MCPH1: variants seen among roughly 807,000 people sequenced by gnomAD.
The protein encoded by MCPH1 is microcephalin 1, also known as microcephalin.
MCPH1 carries 104 observed loss-of-function variants against 84.5 expected under a neutral mutation model. That is an observed-to-expected ratio of 1.23 (90% CI 1.05 to 1.45). The LOEUF is 1.45. Ranked by LOEUF, MCPH1 falls within the 40% of genes most tolerant of loss-of-function variation. The probability of loss-of-function intolerance (pLI) is 0.00; values close to 1 mark genes in which losing one functional copy is unlikely to be tolerated. For missense variants in MCPH1, 1,498 were observed against 1,005.7 expected (o/e 1.49, Z -6.62); for synonymous variants, 514 against 366.8 (o/e 1.40, Z -4.58).
intron 12 of MCPH1, among the ~76,000 whole-genome samples, chr8:6,613,101 G>T (rs1290328162): frequency 2.6e-5 from 4 of 152,220 alleles, no homozygotes; most frequent in African/African-American, 7.2e-5. Context: ...CTCTCCAGCA[G>T]CCTGGGGTTC....
chr8:6,491,517 C>T (rs1286519851), intron 11 of MCPH1, among the ~76,000 whole-genome samples: 5 of 150,742 alleles, frequency 3.3e-5, no homozygotes, highest in Non-Finnish European at 7.4e-5. Flanking sequence ...GGTACATGTG[C>T]ACAACATGCA....
intron 12 of MCPH1, among the ~76,000 whole-genome samples, chr8:6,505,343 TA>T (rs1813259492): frequency 6.6e-5 from 3 of 45,614 alleles, no homozygotes; most frequent in African/African-American, 2.7e-4. Flanking sequence ...AGAAAGAATA[TA>T]TATATTCTTT....
At chr8:6,423,348 G>T (rs550418058) in intron 3 of MCPH1, among the ~76,000 whole-genome samples, 1 of 150,894 alleles carries the variant, frequency 6.6e-6, no homozygotes, top group Admixed American at 6.6e-5. Context: ...TGTATTTTTA[G>T]TAGAGACGGG....
At chr8:6,522,080 G>A (rs1817457142) in intron 12 of MCPH1, among the ~76,000 whole-genome samples, 5 of 152,226 alleles carry the variant, frequency 3.3e-5, no homozygotes, top group Admixed American at 3.3e-4. Context: ...TGCTGGCCGG[G>A]CGCAGTGGCT....
chr8:6,524,943 G>A (rs1818050013), intron 12 of MCPH1, among the ~76,000 whole-genome samples: 1 of 152,336 alleles, frequency 6.6e-6, no homozygotes, highest in East Asian at 1.9e-4. Context: ...TGTGTCACAA[G>A]GGCAGACACC....
intron 13 of MCPH1, among the ~76,000 whole-genome samples, chr8:6,622,890 G>C (rs1229469992): frequency 1.3e-5 from 2 of 152,102 alleles, no homozygotes; most frequent in Admixed American, 1.3e-4. Flanking sequence ...ACCCAGGATG[G>C]AGTGCAGTAG....
At chr8:6,528,576 G>A (rs1252492279) in intron 12 of MCPH1, among the ~76,000 whole-genome samples, 2 of 152,242 alleles carry the variant, frequency 1.3e-5, no homozygotes, top group Non-Finnish European at 2.9e-5. Context: ...GTGAAGCGGA[G>A]CCTCAGCCTT....
intron 13 of MCPH1, among the ~76,000 whole-genome samples, chr8:6,640,815 G>C (rs1229379344): frequency 6.6e-6 from 1 of 152,080 alleles, no homozygotes; most frequent in Non-Finnish European, 1.5e-5. Flanking sequence ...AAAATATTTA[G>C]ACCTTTAATG....
chr8:6,525,332 C>A (rs181752791), intron 12 of MCPH1, among the ~76,000 whole-genome samples: 5 of 152,108 alleles, frequency 3.3e-5, no homozygotes, highest in Non-Finnish European at 7.4e-5. Flanking sequence ...TAGGTTCAAG[C>A]GATCCACCTG....
intron 7 of MCPH1, among the ~76,000 whole-genome samples, chr8:6,442,726 C>A (rs151261758): frequency 2.6e-5 from 4 of 152,324 alleles, no homozygotes; most frequent in Admixed American, 2.0e-4. Context: ...AAATTTCTTA[C>A]AGTTTCTTCA....
In MCPH1 at chr8:6,499,644, G is replaced by A. The variant is rs114373469; in HGVS notation, c.2137-208G>A. 1.7e-3 allele frequency: 882 copies of A among 517,064 alleles called. 5 individuals are homozygous for A. Among genetic ancestry groups the A allele is most frequent in the African/African-American group, 0.012 (621 of 52,414 alleles). The allele number at this position is 517,064 out of a possible 1,614,324, so 32.0% of individuals were successfully genotyped here. ...ATAATGACTCAGATTTCTTGTTATC[G>A]TGAGACTTTTTCTCAATCAACTTTT... On this transcript the variant is annotated intron_variant, in intron 11 of 13. Transcript: ENST00000344683.
chr8:6,438,503 A>G (rs1230343251), intron 5 of MCPH1, among the ~76,000 whole-genome samples: 3 of 152,200 alleles, frequency 2.0e-5, no homozygotes, highest in Non-Finnish European at 4.4e-5. Flanking sequence ...TGCTGATCCC[A>G]CTTCATGCAG....
At chr8:6,574,278 A>AG (rs1222101186) in intron 12 of MCPH1, among the ~76,000 whole-genome samples, 2 of 152,128 alleles carry the variant, frequency 1.3e-5, no homozygotes, top group East Asian at 3.9e-4. Flanking sequence ...TGAAACCTAT[A>AG]GGGGGTCCTT....
chr8:6,635,872 G>A (rs917904095), intron 13 of MCPH1, among the ~76,000 whole-genome samples: 47 of 152,324 alleles, frequency 3.1e-4, no homozygotes, highest in African/African-American at 1.1e-3. Context: ...GCTGTTGTTT[G>A]TTGTTGCTGC....
chr8:6,613,781 G>A (rs1428367190), intron 12 of MCPH1, among the ~76,000 whole-genome samples: 2 of 152,122 alleles, frequency 1.3e-5, no homozygotes, highest in Non-Finnish European at 2.9e-5. Flanking sequence ...GCAGCACGGG[G>A]TGTGGAGCTG....
At chr8:6,585,217 G>A (rs143649409) in intron 12 of MCPH1, among the ~76,000 whole-genome samples, 378 of 152,354 alleles carry the variant, frequency 2.5e-3, no homozygotes, top group African/African-American at 8.4e-3. Context: ...GGTACTCCAC[G>A]GGGAGAGGAG....
intron 3 of MCPH1, among the ~76,000 whole-genome samples, chr8:6,416,501 T>G (rs2515453): frequency 0.97 from 148,018 of 152,230 alleles, 72,093 homozygotes; most frequent in East Asian, 1. Flanking sequence ...TGTTGCAGGT[T>G]GTTTGTTTGT....
At chr8:6,420,371 T>G (rs1799991994) in intron 3 of MCPH1, among the ~76,000 whole-genome samples, 2 of 152,190 alleles carry the variant, frequency 1.3e-5, no homozygotes, top group Non-Finnish European at 2.9e-5. Flanking sequence ...TTAAGCGTAT[T>G]CTCCCCGACT....
chr8:6,508,675 A>G (rs999184659), intron 12 of MCPH1: 1 of 593,904 alleles, frequency 1.7e-6, no homozygotes, highest in African/African-American at 1.9e-5. Context: ...AGAATCAAAT[A>G]TCCCCTCTCC....
Sources: allele counts gnomAD v4.1 joint callset (sites outside exome capture counted in the v4.1 genomes callset), GRCh38; gene constraint gnomAD v4.1.1; transcripts MANE v1.5; gene names NCBI Gene and HGNC (gene_info 2026-07-23, HGNC 2026-07-21).